The following SLC26A11 variants were observed in gnomAD, a reference collection of about 807,000 sequenced individuals.
SLC26A11 encodes the protein sodium-independent sulfate anion transporter.
SLC26A11 carries 58 observed loss-of-function variants against 62.2 expected under a neutral mutation model. The ratio of observed to expected loss-of-function variants is 0.93; its 90% CI spans 0.76 to 1.16. The LOEUF (loss-of-function observed/expected upper bound fraction) is 1.16. Among genes scored for constraint, SLC26A11 ranks in the 50% most tolerant of loss-of-function variants. The probability of loss-of-function intolerance (pLI) is 0.00; values close to 1 mark genes in which losing one functional copy is unlikely to be tolerated. For synonymous variants in SLC26A11, 411 were observed against 368.9 expected (o/e 1.11, Z -1.31); for missense variants, 790 against 794.3 (o/e 0.99, Z 0.06).
intron 10 of SLC26A11, among the ~76,000 whole-genome samples, chr17:80,243,913 C>G (rs999243155): frequency 6.6e-6 from 1 of 152,218 alleles, no homozygotes; most frequent in Non-Finnish European, 1.5e-5. Context: ...TGGTCAGCTT[C>G]GGCTCACAGA....
Position 80,251,416 on chromosome 17 carries a change from A to T in SLC26A11, c.1729+15A>T, listed in dbSNP as rs1408720908. On this transcript the variant is annotated intron_variant, in intron 17 of 17. Transcript: ENST00000361193. ...GGAAGAAGCAGGTGGGCACAGTCAG[A>T]CATCCTGTGGCTTTGGTGATTTTGT... 6.2e-7 allele frequency: 1 copy of T among 1,613,632 alleles called. No individual in the cohort carries two copies. Among genetic ancestry groups the T allele is most frequent in the Non-Finnish European group, 8.5e-7 (1 of 1,179,788 alleles).
intron 13 of SLC26A11, among the ~76,000 whole-genome samples, chr17:80,247,561 A>G (rs1454661010): frequency 1.3e-5 from 2 of 152,218 alleles, no homozygotes; most frequent in Non-Finnish European, 2.9e-5. Context: ...TTGCCAGGTG[A>G]AAGGATGGAT....
chr17:80,226,897 T>C (rs2042428371), intron 6 of SLC26A11, among the ~76,000 whole-genome samples: 1 of 152,010 alleles, frequency 6.6e-6, no homozygotes, highest in Non-Finnish European at 1.5e-5. Flanking sequence ...TGGACCATCT[T>C]CCCCTCCCCT....
intron 7 of SLC26A11, among the ~76,000 whole-genome samples, chr17:80,236,386 A>G (rs1462559773): frequency 6.6e-6 from 1 of 152,206 alleles, no homozygotes; most frequent in East Asian, 1.9e-4. Context: ...GAACTCAGGG[A>G]AACCCCTGGG....
intron 13 of SLC26A11, among the ~76,000 whole-genome samples, chr17:80,247,435 CT>C (rs1343234163): frequency 1.3e-5 from 2 of 152,174 alleles, no homozygotes; most frequent in African/African-American, 4.8e-5. Flanking sequence ...AGAGGCGCCC[CT>C]CACCTCCCGG....
intron 7 of SLC26A11, among the ~76,000 whole-genome samples, chr17:80,231,841 G>A (rs2042573859): frequency 6.6e-6 from 1 of 152,146 alleles, no homozygotes; most frequent in Non-Finnish European, 1.5e-5. Context: ...ATTGAGAGTT[G>A]TATTATGGCC....
At chr17:80,251,817 G>A (rs2043165741) in intron 17 of SLC26A11, among the ~76,000 whole-genome samples, 1 of 151,694 alleles carries the variant, frequency 6.6e-6, no homozygotes, top group Non-Finnish European at 1.5e-5. Context: ...GTCCACTTTG[G>A]TGATCACTCC....
At position 80,228,704 on chromosome 17, in the gene SLC26A11, C is replaced by T. The variant is rs992075911; in HGVS notation, c.736+744C>T. ...ACAGTGATCCGGCCCAAAATGTCGG[C>T]GGTGCCGAGGTGGAGAAACACAGTC... On this transcript the variant is annotated intron_variant, in intron 7 of 17. Transcript: ENST00000361193. The surrounding 1 kb of genome is among the most constrained non-coding windows in gnomAD (Gnocchi z 4.1). Among the ~76,000 whole-genome samples, 9 of 152,240 alleles carry T rather than the reference C, an allele frequency of 5.9e-5. No individual in the cohort carries two copies. The highest frequency in any genetic ancestry group is 5.8e-4 in the East Asian group (3 of 5,202).
rs570207728 is a variant in SLC26A11, at chr17:80,246,491, T to C, written c.1154-18T>C. On this transcript the variant is annotated intron_variant, in intron 12 of 17. Coordinates refer to ENST00000361193, the MANE Select transcript of SLC26A11 (RefSeq NM_001166347.2). This position sits in a 1 kb window ranked among gnomAD's most constrained non-coding sequence, Gnocchi z 4.4. Reference sequence around the variant, plus strand: ...GACCCTGCACTCCCGAGGTCACCTGTGTTCCCGTGCCCCGCAGGAGTGCTG... The same window carrying C: ...GACCCTGCACTCCCGAGGTCACCTGCGTTCCCGTGCCCCGCAGGAGTGCTG... 2 of 1,607,926 alleles carry C rather than the reference T, an allele frequency of 1.2e-6. No individual in the cohort carries two copies. The highest frequency in any genetic ancestry group is 4.5e-5 in the East Asian group (2 of 44,878).
In SLC26A11 at chr17:80,228,284, C is replaced by T. The variant is rs566762407; in HGVS notation, c.736+324C>T. On this transcript the variant is annotated intron_variant, in intron 7 of 17. Transcript: ENST00000361193. This position sits in a 1 kb window ranked among gnomAD's most constrained non-coding sequence, Gnocchi z 4.1. The stretch of plus-strand genomic sequence containing the variant: ...AGTAGCTGGGATTACAGGCGCATGC[C>T]ACCACGCTCGACTGATTTTTGTATT... Among the ~76,000 whole-genome samples the T allele has an allele frequency of 1.1e-4, 16 of 152,262 alleles. No homozygotes were observed. Among genetic ancestry groups the T allele is most frequent in the Non-Finnish European group, 1.5e-4 (10 of 68,024 alleles).
chr17:80,251,237 G>T, intron 16 of SLC26A11, 92 bp from the exon 17 acceptor site: 1 of 1,611,952 alleles, frequency 6.2e-7, no homozygotes. Context: ...ATACCTCTCC[G>T]GGAGACTCTG....
At position 80,220,928 on chromosome 17, in the gene SLC26A11, C is replaced by T. The variant is rs1281923687; in HGVS notation, c.-201C>T. ...GATGTCCTCCCAGAAGCAACTAGAA[C>T]TCCAGGGCTGTGAAAGCCACAGGTG... On this transcript the variant is annotated 5_prime_UTR_variant, in exon 2 of 18. Transcript: ENST00000361193. 6.6e-6 allele frequency: 1 copy of T among 152,648 alleles called. No individual in the cohort carries two copies. Among genetic ancestry groups the T allele is most frequent in the Non-Finnish European group, 1.5e-5 (1 of 68,360 alleles). 9.5% of individuals were successfully genotyped at this position (152,648 alleles called of 1,614,324 possible). A position where few individuals can be genotyped will look rare whatever the true frequency, so the allele number is the denominator to read the frequency against.
intron 5 of SLC26A11, among the ~76,000 whole-genome samples, chr17:80,225,170 AC>A (rs1339142430): frequency 8.9e-5 from 13 of 145,334 alleles, no homozygotes; most frequent in Admixed American, 6.8e-5. Context: ...CAAGACCCCC[AC>A]CCCCCAACCC....
At chr17:80,235,110 A>G (rs1390037423) in intron 7 of SLC26A11, among the ~76,000 whole-genome samples, 1 of 152,154 alleles carries the variant, frequency 6.6e-6, no homozygotes, top group African/African-American at 2.4e-5. Flanking sequence ...TCGGCCTCCC[A>G]AAGTGCTGGG....
intron 9 of SLC26A11, among the ~76,000 whole-genome samples, chr17:80,239,169 C>T (rs946511408): frequency 6.6e-6 from 1 of 151,484 alleles, no homozygotes; most frequent in South Asian, 2.1e-4. Flanking sequence ...AACCTCCGCC[C>T]CCCAGGTTCC....
At chr17:80,226,632 C>T (rs945105950) in intron 6 of SLC26A11, among the ~76,000 whole-genome samples, 5 of 152,274 alleles carry the variant, frequency 3.3e-5, no homozygotes, top group Admixed American at 6.5e-5. Flanking sequence ...ACCTGTGAGG[C>T]GGAGGTTGCA....
At chr17:80,235,914 T>C (rs774211023) in intron 7 of SLC26A11, among the ~76,000 whole-genome samples, 6 of 152,264 alleles carry the variant, frequency 3.9e-5, no homozygotes, top group Non-Finnish European at 7.3e-5. Flanking sequence ...AATAAAGTTT[T>C]ATTGGAAAAT....
chr17:80,239,279 A>G (rs540330804), intron 9 of SLC26A11, among the ~76,000 whole-genome samples: 1 of 151,488 alleles, frequency 6.6e-6, no homozygotes, highest in East Asian at 1.9e-4. Flanking sequence ...GGGTTTCTCC[A>G]TGTTGATCAT....
In SLC26A11 at chr17:80,234,914, G is replaced by A. The variant is rs1332494114; in HGVS notation, c.737-2014G>A. On this transcript the variant is annotated intron_variant, in intron 7 of 17. Coordinates refer to ENST00000361193, the MANE Select transcript of SLC26A11 (RefSeq NM_001166347.2). ...GTCCAGGCTGGAGTGCAATGGCGCG[G>A]TCTTGGCTCACTGTAACCTCTGCCT... is the stretch of plus-strand genomic sequence containing the variant. Among the ~76,000 whole-genome samples the A allele has an allele frequency of 2.0e-5, 3 of 151,242 alleles. No individual in the cohort carries two copies. In the East Asian group the frequency reaches 5.8e-4, roughly 29 times the overall value.
Sources: allele counts gnomAD v4.1 joint callset (sites outside exome capture counted in the v4.1 genomes callset), GRCh38; gene constraint gnomAD v4.1.1; non-coding constraint Gnocchi (gnomAD v3.1); transcripts MANE v1.5; gene names NCBI Gene and HGNC (gene_info 2026-07-23, HGNC 2026-07-21).